NRXN1: variants seen among roughly 807,000 people sequenced by gnomAD.
NRXN1 encodes the protein neurexin 1.
NRXN1 carries 39 observed loss-of-function variants against 150.9 expected under a neutral mutation model. The observed-to-expected ratio is 0.26, with a 90% CI of 0.20 to 0.34. The LOEUF is 0.34. Ranked by LOEUF, NRXN1 falls within the 10% of genes least tolerant of loss-of-function variation. The pLI, the probability that NRXN1 is intolerant of heterozygous loss-of-function variation, is 1.00. For missense variants in NRXN1, 1,815 were observed against 1,949.9 expected (o/e 0.93, Z 1.30); for synonymous variants, 924 against 757.0 (o/e 1.22, Z -3.62).
chr2:51,012,812 C>G (rs1332773646), intron 2 of NRXN1, among the ~76,000 whole-genome samples: 1 of 151,964 alleles, frequency 6.6e-6, no homozygotes, highest in Non-Finnish European at 1.5e-5. Context: ...GACAGAATAC[C>G]CAGAAATGCA....
At chr2:50,727,235 A>G (rs1697478958) in intron 5 of NRXN1, among the ~76,000 whole-genome samples, 1 of 152,200 alleles carries the variant, frequency 6.6e-6, no homozygotes. Flanking sequence ...CAAAAGCAAA[A>G]CTGCTACTTA....
intron 17 of NRXN1, among the ~76,000 whole-genome samples, chr2:50,370,268 C>G (rs895971127): frequency 6.6e-6 from 1 of 151,972 alleles, no homozygotes; most frequent in African/African-American, 2.4e-5. Flanking sequence ...CAAAATGCAG[C>G]CTGCCAGCCA....
intron 18 of NRXN1, among the ~76,000 whole-genome samples, chr2:50,226,954 C>T (rs956317613): frequency 1.3e-5 from 2 of 151,928 alleles, no homozygotes; most frequent in Middle Eastern, 3.2e-3. Context: ...TGCTCACTTG[C>T]TAAATTCTAG....
chr2:50,178,439 T>C (rs1179735470), intron 18 of NRXN1, among the ~76,000 whole-genome samples: 4 of 152,078 alleles, frequency 2.6e-5, no homozygotes, highest in Non-Finnish European at 5.9e-5. Context: ...TGCCAACTTT[T>C]TCATGCTACT....
rs144632499 is a variant in NRXN1 at position 50,607,823 on chromosome 2, C to T, written c.1320+12199G>A. ...GGCATTTTACTTTAATGGTCATGGG[C>T]TTAGGTCCAACTATTTCAGAATCCA... On this transcript the variant is annotated intron_variant, in intron 8 of 22. Transcript: ENST00000401669. Among the ~76,000 whole-genome samples the T allele has an allele frequency of 4.4e-4, 67 of 151,690 alleles. No individual in the cohort carries two copies. The East Asian group carries it at 9.2e-3, about 21-fold the overall frequency.
chr2:50,432,931 G>A (rs1037582006), intron 17 of NRXN1, among the ~76,000 whole-genome samples: 3 of 152,020 alleles, frequency 2.0e-5, no homozygotes, highest in African/African-American at 7.3e-5. Flanking sequence ...CCCGATTTCC[G>A]ATTCCCCATC....
chr2:50,205,200 A>G (rs1440867958), intron 18 of NRXN1, among the ~76,000 whole-genome samples: 1 of 152,130 alleles, frequency 6.6e-6, no homozygotes, highest in Admixed American at 6.6e-5. Flanking sequence ...CTACTAATAT[A>G]TCATGTGGCC....
chr2:50,980,850 G>A (rs1696671610), intron 2 of NRXN1, among the ~76,000 whole-genome samples: 3 of 151,928 alleles, frequency 2.0e-5, no homozygotes, highest in Non-Finnish European at 4.4e-5. Context: ...TGTTCCCTAG[G>A]TTTGCTTCCA....
intron 12 of NRXN1, among the ~76,000 whole-genome samples, chr2:50,511,101 C>T (rs1573331319): frequency 6.6e-6 from 1 of 151,812 alleles, no homozygotes; most frequent in African/African-American, 2.4e-5. Context: ...CGCTCTGTTG[C>T]TCAGGCTAGA....
intron 17 of NRXN1, 47 bp downstream of exon 17, chr2:50,465,395 A>G: frequency 6.5e-7 from 1 of 1,536,350 alleles, no homozygotes; most frequent in South Asian, 1.2e-5. Flanking sequence ...TCAAACAGTA[A>G]CTGGAAGCAA....
intron 5 of NRXN1, among the ~76,000 whole-genome samples, chr2:50,762,510 G>A (rs1474424474): frequency 1.3e-5 from 2 of 151,652 alleles, no homozygotes; most frequent in African/African-American, 4.8e-5. Context: ...CCCTCTAATA[G>A]TGCCCTGTGT....
In NRXN1 at chr2:50,817,551, A is replaced by G. The variant is rs139597482; in HGVS notation, c.832+104318T>C. ...GATACCAAAGCTAGACAAGGACTAC[A>G]AGAAAAGAAAACAACAGGCCAATAT... is the stretch of plus-strand genomic sequence containing the variant. On this transcript the variant is annotated intron_variant, in intron 5 of 22. Coordinates refer to ENST00000401669, the MANE Select transcript of NRXN1 (RefSeq NM_001330078.2). 5.1e-3 allele frequency among the ~76,000 whole-genome samples: 781 copies of G among 152,244 alleles called. 6 individuals are homozygous for G. The highest frequency in any genetic ancestry group is 0.018 in the African/African-American group (745 of 41,576).
chr2:50,354,054 C>A (rs565127395), intron 17 of NRXN1, among the ~76,000 whole-genome samples: 1 of 152,210 alleles, frequency 6.6e-6, no homozygotes, highest in African/African-American at 2.4e-5. Flanking sequence ...AAGCTCCTTA[C>A]CAATGATCTC....
At chr2:49,954,017 A>G (rs1177434244) in intron 21 of NRXN1, among the ~76,000 whole-genome samples, 1 of 152,104 alleles carries the variant, frequency 6.6e-6, no homozygotes, top group South Asian at 2.1e-4. Context: ...AGAACTTAAG[A>G]AAAAATAAAA....
At chr2:50,747,713 G>C (rs930935706) in intron 5 of NRXN1, among the ~76,000 whole-genome samples, 1 of 151,974 alleles carries the variant, frequency 6.6e-6, no homozygotes, top group African/African-American at 2.4e-5. Flanking sequence ...TTTTCTACAT[G>C]AGTAATATGA....
At chr2:50,518,215 T>A (rs2092683990) in intron 12 of NRXN1, among the ~76,000 whole-genome samples, 1 of 151,942 alleles carries the variant, frequency 6.6e-6, no homozygotes, top group Non-Finnish European at 1.5e-5. Flanking sequence ...CTAGAAAAAA[T>A]GTTCTAAAAC....
At chr2:50,092,677 A>G (rs960361902) in intron 18 of NRXN1, among the ~76,000 whole-genome samples, 1 of 152,256 alleles carries the variant, frequency 6.6e-6, no homozygotes, top group Non-Finnish European at 1.5e-5. Flanking sequence ...GCTTACACTA[A>G]GAATCCTTAC....
At chr2:50,241,618 T>C (rs1439278051) in intron 17 of NRXN1, among the ~76,000 whole-genome samples, 2 of 151,788 alleles carry the variant, frequency 1.3e-5, no homozygotes, top group African/African-American at 4.8e-5. Context: ...GCTGGCTCTA[T>C]CAGACACAAA....
rs186032877 is a variant in NRXN1, at chr2:50,585,629, C to T, written c.1321-32604G>A. ...TACCTAATACTTGGCAAAGTCAATG[C>T]ACTTTATAAATAGAGGCTATTGAAA... On this transcript the variant is annotated intron_variant, in intron 8 of 22. Coordinates refer to ENST00000401669, the MANE Select transcript of NRXN1 (RefSeq NM_001330078.2). Among the ~76,000 whole-genome samples, 438 of 152,146 alleles carry T rather than the reference C, an allele frequency of 2.9e-3. 3 individuals carry two copies. The highest frequency in any genetic ancestry group is 0.011 in the South Asian group (54 of 4,804).
Sources: allele counts gnomAD v4.1 joint callset (sites outside exome capture counted in the v4.1 genomes callset), GRCh38; gene constraint gnomAD v4.1.1; transcripts MANE v1.5; gene names NCBI Gene and HGNC (gene_info 2026-07-23, HGNC 2026-07-21).